Variants in UMODL1 observed in about 807,000 individuals in gnomAD.
UMODL1 encodes the protein uromodulin-like 1.
Under a neutral mutation model 136.3 loss-of-function variants are expected in UMODL1, and 128 were observed. The observed-to-expected ratio is 0.94, with a 90% CI of 0.81 to 1.09. The LOEUF (loss-of-function observed/expected upper bound fraction) is 1.09, where lower values mean the gene tolerates loss of function less well. UMODL1 is among the 50% of genes least tolerant of loss of function. The probability of loss-of-function intolerance (pLI) is 0.00; values close to 1 mark genes in which losing one functional copy is unlikely to be tolerated. For synonymous variants in UMODL1, 721 were observed against 720.0 expected, an observed-to-expected ratio of 1.00 and a Z score of -0.02; for missense variants, 1,766 against 1,725.6, an observed-to-expected ratio of 1.02 and a Z score of -0.41.
rs201758093 is a variant in UMODL1 at position 42,111,231 on chromosome 21, A to G, written c.1899+110A>G. The G allele has an allele frequency of 4.0e-5, 61 of 1,524,978 alleles. No homozygotes were observed. In the African/African-American group the frequency reaches 7.8e-4, roughly 19 times the overall value. 94.5% of individuals were successfully genotyped at this position (1,524,978 alleles called of 1,614,324 possible). A position where few individuals can be genotyped will look rare whatever the true frequency, so the allele number is the denominator to read the frequency against. On this transcript the variant is annotated intron_variant, in intron 11 of 22. Transcript: ENST00000408910. The stretch of plus-strand genomic sequence containing the variant: ...AGCCTCAGACAGGAGAGTACCAGCC[A>G]GGCGAGCCCCAGCCAGAGGAGCACC...
chr21:42,111,803 G>T, intron 12 of UMODL1, 93 bp downstream of exon 12: 3 of 1,272,700 alleles, frequency 2.4e-6, no homozygotes, highest in Non-Finnish European at 3.2e-6. Context: ...CCGTGGAGTC[G>T]CAGGCTGCTA....
upstream of UMODL1, among the ~76,000 whole-genome samples, chr21:42,071,144 G>T (rs2066227070): frequency 6.6e-6 from 1 of 152,206 alleles, no homozygotes; most frequent in Admixed American, 6.5e-5. Flanking sequence ...AGGCATAAGG[G>T]ACTGCTCCCA....
At chr21:42,070,171 G>A (rs115453683), upstream of UMODL1, among the ~76,000 whole-genome samples, 480 of 152,300 alleles carry the variant, frequency 3.2e-3, no homozygotes, top group African/African-American at 0.011. Context: ...GGTCCCTTCT[G>A]GAGGAATCGT....
intron 13 of UMODL1, among the ~76,000 whole-genome samples, chr21:42,114,311 CAT>C (rs2066876491): frequency 6.6e-6 from 1 of 152,268 alleles, no homozygotes; most frequent in African/African-American, 2.4e-5. Flanking sequence ...ATGAATCAAA[CAT>C]AGACTCCACT....
chr21:42,110,792 C>T, intron 10 of UMODL1, 88 bp from the exon 11 acceptor site: 1 of 1,311,006 alleles, frequency 7.6e-7, no homozygotes, highest in Non-Finnish European at 1.0e-6. Context: ...GCAGAGCAGT[C>T]CTGCTGGACG....
chr21:42,079,633 C>T (rs1207735698), intron 2 of UMODL1, among the ~76,000 whole-genome samples: 1 of 152,234 alleles, frequency 6.6e-6, no homozygotes, highest in African/African-American at 2.4e-5. Flanking sequence ...GAAACAGGCA[C>T]TGCCTGAGTG....
chr21:42,134,895 A>G (rs2067184441), intron 21 of UMODL1, among the ~76,000 whole-genome samples: 1 of 151,702 alleles, frequency 6.6e-6, no homozygotes. Context: ...AGGTTCTGGG[A>G]TTATAGGCGT....
At chr21:42,103,722 GCTCTGAGAGGTCGGTCGTCAGGTGC>G in intron 8 of UMODL1, 121 bp from the exon 9 acceptor site, 2 of 927,652 alleles carry the variant, frequency 2.2e-6, no homozygotes, top group Non-Finnish European at 3.5e-6. Context: ...TTCTCTGCGT[GCTCTGAGAGGTCGGTCGTCAGGTGC>G]CTCCTCTTGA....
chr21:42,103,334 C>G (rs1380573807), intron 8 of UMODL1: 1 of 235,244 alleles, frequency 4.3e-6, no homozygotes, highest in Non-Finnish European at 8.6e-6. Flanking sequence ...TGTTAACTCA[C>G]TTGTGTGTGC....
At position 42,076,274 on chromosome 21, in the gene UMODL1, C is replaced by T. The variant is rs754687350; in HGVS notation, c.319+27C>T. ...TGAGTCCAGGGCTGCTGGGCTGGGG[C>T]GGGGCCACCCTTGCCGTCGAGACGC... On this transcript the variant is annotated intron_variant, in intron 2 of 22. Transcript: ENST00000408910. 11 of 1,609,572 alleles carry T rather than the reference C, an allele frequency of 6.8e-6. No individual in the cohort carries two copies. The African/African-American group carries it at 8.0e-5, about 12-fold the overall frequency.
rs746719036 is a variant in UMODL1, at chr21:42,126,999, C to G, written c.3294-7C>G. 6.2e-7 allele frequency: 1 copy of G among 1,613,318 alleles called. No individual in the cohort carries two copies. Among genetic ancestry groups the G allele is most frequent in the South Asian group, 1.1e-5 (1 of 91,056 alleles). ...ACATGCCTCCTGCAAGCTGCTTCCTCTTGCAGGGTTTACACCATCATCGAG... is the reference window on the plus strand; with the variant it reads ...ACATGCCTCCTGCAAGCTGCTTCCTGTTGCAGGGTTTACACCATCATCGAG... On this transcript the variant is annotated splice_polypyrimidine_tract_variant and splice_region_variant and intron_variant, in intron 18 of 22. Transcript: ENST00000408910.
chr21:42,082,732 G>T (rs1569143886), intron 2 of UMODL1, among the ~76,000 whole-genome samples: 1 of 152,168 alleles, frequency 6.6e-6, no homozygotes, highest in Non-Finnish European at 1.5e-5. Flanking sequence ...TGCCGTCTTG[G>T]CAAAGGCACA....
intron 9 of UMODL1, among the ~76,000 whole-genome samples, chr21:42,104,356 C>T (rs1003691854): frequency 6.6e-6 from 1 of 152,216 alleles, no homozygotes; most frequent in Admixed American, 6.5e-5. Flanking sequence ...TGTCTGTCGT[C>T]AGGGCCCCCC....
upstream of UMODL1, among the ~76,000 whole-genome samples, chr21:42,070,995 G>A (rs955116147): frequency 1.3e-5 from 2 of 152,222 alleles, no homozygotes; most frequent in Non-Finnish European, 2.9e-5. Context: ...GCGTAACAAC[G>A]AGATGGGATC....
At chr21:42,110,684 G>C (rs542011249) in intron 10 of UMODL1, among the ~76,000 whole-genome samples, 196 bp from the exon 11 acceptor site, 53 of 152,294 alleles carry the variant, frequency 3.5e-4, no homozygotes, top group South Asian at 8.3e-4. Flanking sequence ...GGCGTGATTT[G>C]CCTTCAGAGA....
intron 1 of UMODL1, among the ~76,000 whole-genome samples, chr21:42,065,681 G>A (rs1225036235): frequency 6.6e-6 from 1 of 152,092 alleles, no homozygotes; most frequent in Non-Finnish European, 1.5e-5. Flanking sequence ...GGGATTACAG[G>A]CATGCACCCC....
At chr21:42,103,517 TATCA>T (rs2066664791) in intron 8 of UMODL1, 5 of 389,242 alleles carry the variant, frequency 1.3e-5, no homozygotes, top group South Asian at 5.9e-5. Context: ...CCTCTCCATC[TATCA>T]ATCAATCAGT....
chr21:42,081,416 A>G (rs2066360658), intron 2 of UMODL1, among the ~76,000 whole-genome samples: 1 of 152,154 alleles, frequency 6.6e-6, no homozygotes, highest in South Asian at 2.1e-4. Flanking sequence ...TATTGTTTGC[A>G]TTGAGTTAGG....
At chr21:42,102,371 G>T in intron 8 of UMODL1, 93 bp downstream of exon 8, 2 of 977,100 alleles carry the variant, frequency 2.0e-6, no homozygotes, top group Non-Finnish European at 3.1e-6. Flanking sequence ...CTCTTCCTCT[G>T]GGATTGTGGC....
Sources: allele counts gnomAD v4.1 joint callset (sites outside exome capture counted in the v4.1 genomes callset), GRCh38; gene constraint gnomAD v4.1.1; transcripts MANE v1.5; gene names NCBI Gene and HGNC (gene_info 2026-07-23, HGNC 2026-07-21).